The following SRSF4 variants were observed in gnomAD, a reference collection of about 807,000 sequenced individuals.
The protein encoded by SRSF4 is serine and arginine rich splicing factor 4.
Under a neutral mutation model 48.8 loss-of-function variants are expected in SRSF4, and 12 were observed. That is an observed-to-expected ratio of 0.25 (90% CI 0.16 to 0.40). The LOEUF is 0.40. Among genes scored for constraint, SRSF4 ranks in the 10% least tolerant of loss-of-function variants. The pLI is 1.00. For synonymous variants in SRSF4, 248 were observed against 232.5 expected, an observed-to-expected ratio of 1.07 and a Z score of -0.61; for missense variants, 466 against 667.1, an observed-to-expected ratio of 0.70 and a Z score of 3.32.
chr1:29,179,735 T>C (rs1255083553), intron 1 of SRSF4, among the ~76,000 whole-genome samples: 1 of 152,174 alleles, frequency 6.6e-6, no homozygotes, highest in African/African-American at 2.4e-5. Context: ...TTCAAGCAAA[T>C]CATTCCAAGT....
chr1:29,161,131 C>T lies in SRSF4; in HGVS notation c.108-614G>A, dbSNP rs75557860. Among the ~76,000 whole-genome samples the T allele has an allele frequency of 1.8e-3, 274 of 152,262 alleles. 3 individuals are homozygous for T. The highest frequency in any genetic ancestry group is 0.014 in the Middle Eastern group (4 of 294). On this transcript the variant is annotated intron_variant, in intron 1 of 5. Coordinates refer to ENST00000373795, the MANE Select transcript of SRSF4 (RefSeq NM_005626.5). ...GATGGAATTCTCTGAAATCTGTATA[C>T]AACTCGTGCAAACTTCTTTAAATGG...
chr1:29,176,974 G>C (rs1000363566), intron 1 of SRSF4, among the ~76,000 whole-genome samples: 9 of 151,656 alleles, frequency 5.9e-5, no homozygotes, highest in Admixed American at 5.3e-4. Context: ...TATCCTTCTA[G>C]CTACTAGACA....
chr1:29,172,098 AT>A (rs1315564066), intron 1 of SRSF4: 3 of 152,158 alleles, frequency 2.0e-5, no homozygotes, highest in Non-Finnish European at 2.9e-5. Flanking sequence ...GGGGAAAAAA[AT>A]AATACACTTT....
In SRSF4 at chr1:29,154,779, G is replaced by A. The variant is rs1177340720; in HGVS notation, c.495C>T (p.Val165=). 6.2e-7 allele frequency: 1 copy of A among 1,614,148 alleles called. No individual in the cohort carries two copies. The highest frequency in any genetic ancestry group is 8.5e-7 in the Non-Finnish European group (1 of 1,180,032). The change falls in exon 4 of 6, where the codon GTC becomes GTT. Residue 165 remains valine (V), a synonymous_variant. Transcript: ENST00000373795. ...CAACTAATCTGATTTTTCTCCCATT[G>A]ACTTCAGTTCCATCCAACTTTTCCA... ...RALEKLDGTE[V]NGRKIRLVED...
chr1:29,170,627 T>C (rs1332863059), intron 1 of SRSF4: 2 of 152,244 alleles, frequency 1.3e-5, no homozygotes, highest in Non-Finnish European at 2.9e-5. Flanking sequence ...ACTAATTAAG[T>C]ATTTTAATGA....
intron 1 of SRSF4, among the ~76,000 whole-genome samples, chr1:29,177,741 T>C (rs528005158): frequency 6.6e-6 from 1 of 152,276 alleles, no homozygotes; most frequent in African/African-American, 2.4e-5. Context: ...ACATTAGCGA[T>C]GCCTGGTGTA....
intron 4 of SRSF4, 38 bp downstream of exon 4, chr1:29,154,658 T>C (rs1215734451): frequency 6.3e-7 from 1 of 1,586,224 alleles, no homozygotes; most frequent in Admixed American, 1.7e-5. Flanking sequence ...CTAATGAATT[T>C]ATGATGAGCT....
At chr1:29,160,963 T>C (rs555559045) in intron 1 of SRSF4, among the ~76,000 whole-genome samples, 1 of 152,294 alleles carries the variant, frequency 6.6e-6, no homozygotes, top group East Asian at 1.9e-4. Flanking sequence ...TGTTGAATCA[T>C]GTGAAAGTAA....
intron 3 of SRSF4, among the ~76,000 whole-genome samples, chr1:29,156,178 A>G (rs1402211568): frequency 1.3e-5 from 2 of 152,112 alleles, no homozygotes; most frequent in Non-Finnish European, 2.9e-5. Flanking sequence ...ACTTTGTGAA[A>G]CCTTGTCTCT....
At chr1:29,156,129 G>A (rs1486536952) in intron 3 of SRSF4, among the ~76,000 whole-genome samples, 2 of 152,124 alleles carry the variant, frequency 1.3e-5, no homozygotes, top group Non-Finnish European at 2.9e-5. Context: ...CCAAGGCCAG[G>A]AGATCACCTG....
rs775738734 is a variant in SRSF4, at chr1:29,154,720, T to C, written c.554A>G (p.Tyr185Cys). ...DKPGSRRRRS[Y>C]SRSRSHSRSR... ...CCTTGAATGACTCCGGCTTCTGGAG[T>C]AGGACCGGCGTCGTCTGGAACCTGG... Residue 185 changes from tyrosine to cysteine, a missense_variant, in exon 4 of 6, where the codon TAC (tyrosine) becomes TGC (cysteine). Physicochemically the swap from Tyr to Cys is radical, Grantham distance 194. Coordinates refer to ENST00000373795, the MANE Select transcript of SRSF4 (RefSeq NM_005626.5). 10 of 1,614,134 alleles carry C rather than the reference T, an allele frequency of 6.2e-6. No homozygotes were observed. The highest frequency in any genetic ancestry group is 8.5e-6 in the Non-Finnish European group (10 of 1,180,024).
chr1:29,165,341 G>C (rs985825331), intron 1 of SRSF4, among the ~76,000 whole-genome samples: 1 of 152,156 alleles, frequency 6.6e-6, no homozygotes, highest in Non-Finnish European at 1.5e-5. Flanking sequence ...GTACTGCTCA[G>C]GTTATCAGTC....
intron 3 of SRSF4, among the ~76,000 whole-genome samples, chr1:29,157,072 C>T (rs1384817329): frequency 6.6e-6 from 1 of 152,094 alleles, no homozygotes; most frequent in Non-Finnish European, 1.5e-5. Context: ...CTGGTGGGAG[C>T]GAGCTTAACT....
At chr1:29,177,772 C>T (rs1330731151) in intron 1 of SRSF4, among the ~76,000 whole-genome samples, 2 of 152,064 alleles carry the variant, frequency 1.3e-5, no homozygotes, top group East Asian at 1.9e-4. Flanking sequence ...AGGCAATGAA[C>T]TCTTGCTTAC....
At chr1:29,173,860 T>C (rs1197293952) in intron 1 of SRSF4, among the ~76,000 whole-genome samples, 4 of 151,930 alleles carry the variant, frequency 2.6e-5, no homozygotes, top group Admixed American at 6.6e-5. Context: ...AAAAAATTAG[T>C]TTAAAAAATT....
At chr1:29,155,964 T>C (rs767486033) in intron 3 of SRSF4, among the ~76,000 whole-genome samples, 6 of 152,096 alleles carry the variant, frequency 3.9e-5, no homozygotes, top group Non-Finnish European at 8.8e-5. Context: ...GAGATATGAT[T>C]AGGAGGTTGC....
intron 5 of SRSF4, 79 bp from the exon 6 acceptor site, chr1:29,149,305 T>C (rs994553725): frequency 1.3e-6 from 2 of 1,497,332 alleles, no homozygotes; most frequent in Non-Finnish European, 1.8e-6. Context: ...AGGGCATACA[T>C]GTGGAGTTAC....
At chr1:29,151,177 C>T (rs1368572762) in intron 4 of SRSF4, among the ~76,000 whole-genome samples, 2 of 152,230 alleles carry the variant, frequency 1.3e-5, no homozygotes, top group African/African-American at 4.8e-5. Flanking sequence ...GCTGCCCAGG[C>T]ACCATCACCT....
At chr1:29,178,013 C>T (rs1672895588) in intron 1 of SRSF4, among the ~76,000 whole-genome samples, 1 of 150,444 alleles carries the variant, frequency 6.6e-6, no homozygotes, top group Non-Finnish European at 1.5e-5. Flanking sequence ...AATTCTCCTG[C>T]CTTAGCCTCT....
Sources: gnomAD v4.1 joint callset for allele counts (sites outside exome capture counted in the v4.1 genomes callset) on GRCh38, gnomAD v4.1.1 for gene constraint, MANE v1.5 for transcripts, NCBI Gene and HGNC (gene_info 2026-07-23, HGNC 2026-07-21) for gene names.